Variants in RCAN2 observed in about 807,000 individuals in gnomAD.
RCAN2 encodes regulator of calcineurin 2.
RCAN2 carries 9 observed loss-of-function variants against 23.6 expected under a neutral mutation model. The observed-to-expected ratio is 0.38, with a 90% CI of 0.23 to 0.67. The LOEUF is 0.67. Among genes scored for constraint, RCAN2 ranks in the 30% least tolerant of loss-of-function variants. The pLI is 0.51. For synonymous variants in RCAN2, 109 were observed against 115.7 expected (o/e 0.94, Z 0.37); for missense variants, 273 against 302.3 (o/e 0.90, Z 0.72).
At chr6:46,260,176 C>T (rs896497343) in intron 2 of RCAN2, among the ~76,000 whole-genome samples, 4 of 152,172 alleles carry the variant, frequency 2.6e-5, no homozygotes, top group Admixed American at 2.6e-4. Context: ...CCACCCAGGG[C>T]CCCTAGTGTT....
intron 2 of RCAN2, among the ~76,000 whole-genome samples, chr6:46,289,242 T>G (rs926499419): frequency 5.3e-5 from 8 of 152,144 alleles, no homozygotes; most frequent in Middle Eastern, 3.4e-3. Flanking sequence ...CACTATTTTT[T>G]CCCCCCAGGC....
At chr6:46,339,354 C>A (rs1764234408) in intron 2 of RCAN2, among the ~76,000 whole-genome samples, 1 of 151,990 alleles carries the variant, frequency 6.6e-6, no homozygotes, top group African/African-American at 2.4e-5. Context: ...GAGAAGATTT[C>A]TCTAAGGAAG....
At chr6:46,281,940 G>T (rs1762194750) in intron 2 of RCAN2, among the ~76,000 whole-genome samples, 1 of 152,116 alleles carries the variant, frequency 6.6e-6, no homozygotes, top group African/African-American at 2.4e-5. Flanking sequence ...TAACCACTGT[G>T]CAAATCTGCC....
chr6:46,274,086 T>C (rs1186253988), intron 2 of RCAN2, among the ~76,000 whole-genome samples: 3 of 152,222 alleles, frequency 2.0e-5, no homozygotes, highest in Non-Finnish European at 4.4e-5. Context: ...TCTTTTACTT[T>C]CCAGCAGCAT....
At chr6:46,429,226 G>A (rs1375259922) in intron 2 of RCAN2, among the ~76,000 whole-genome samples, 1 of 152,174 alleles carries the variant, frequency 6.6e-6, no homozygotes, top group Admixed American at 6.5e-5. Flanking sequence ...AACACAGTAT[G>A]CTAGATATAA....
intron 4 of RCAN2, among the ~76,000 whole-genome samples, chr6:46,233,721 CT>C (rs1240948992): frequency 0.03 from 3,933 of 130,714 alleles, 147 homozygotes; most frequent in Middle Eastern, 0.039. Flanking sequence ...AAGAACACTT[CT>C]TTTTTTTTTT....
At chr6:46,234,516 T>A (rs1044770826) in intron 4 of RCAN2, among the ~76,000 whole-genome samples, 3 of 152,134 alleles carry the variant, frequency 2.0e-5, no homozygotes, top group Non-Finnish European at 4.4e-5. Flanking sequence ...CATGGTGCAG[T>A]GAGAACAGAC....
intron 2 of RCAN2, among the ~76,000 whole-genome samples, chr6:46,372,813 T>C (rs1338017433): frequency 6.6e-6 from 1 of 152,092 alleles, no homozygotes; most frequent in Non-Finnish European, 1.5e-5. Context: ...CATTTAACTA[T>C]CAGAAGTCTG....
chr6:46,420,793 C>T (rs1766864155), intron 2 of RCAN2, among the ~76,000 whole-genome samples: 1 of 152,036 alleles, frequency 6.6e-6, no homozygotes, highest in Non-Finnish European at 1.5e-5. Context: ...GTAATCTGCC[C>T]TCCTCGGCCC....
rs192428155 is a variant in RCAN2 at position 46,451,235 on chromosome 6, T to A, written c.225+5517A>T. On this transcript the variant is annotated intron_variant, in intron 2 of 4. Coordinates refer to ENST00000371374, the MANE Select transcript of RCAN2 (RefSeq NM_001251974.2). ...AGATCTACAACCTACTGTCTGAAAC[T>A]CTTGAGGAGTGATATGTTTGGCATT... is the stretch of plus-strand genomic sequence containing the variant. Among the ~76,000 whole-genome samples, 32 of 152,216 alleles carry A rather than the reference T, an allele frequency of 2.1e-4. No homozygotes were observed. In the East Asian group the frequency reaches 5.6e-3, roughly 27 times the overall value.
chr6:46,345,624 A>C (rs1764459580), intron 2 of RCAN2, among the ~76,000 whole-genome samples: 1 of 152,188 alleles, frequency 6.6e-6, no homozygotes, highest in Admixed American at 6.5e-5. Flanking sequence ...CCACAAGGTC[A>C]AAACTATTTT....
chr6:46,292,872 A>G (rs1762612738), intron 2 of RCAN2, among the ~76,000 whole-genome samples: 1 of 151,968 alleles, frequency 6.6e-6, no homozygotes, highest in Non-Finnish European at 1.5e-5. Flanking sequence ...TCCCTCCCCT[A>G]GCCCTCCACC....
Position 46,417,621 on chromosome 6 carries a change from C to T in RCAN2, c.225+39131G>A, listed in dbSNP as rs868865831. ...TGGCCATTTTCTGAAGTCTGTTCCC[C>T]AAACAATACAGGAGCTGGGGTAAAA... On this transcript the variant is annotated intron_variant, in intron 2 of 4. Coordinates refer to ENST00000371374, the MANE Select transcript of RCAN2 (RefSeq NM_001251974.2). Among the ~76,000 whole-genome samples the T allele has an allele frequency of 3.9e-5, 6 of 152,296 alleles. No individual in the cohort carries two copies. The South Asian group carries it at 1.2e-3, about 32-fold the overall frequency.
At chr6:46,394,147 C>T (rs760261328) in intron 2 of RCAN2, among the ~76,000 whole-genome samples, 2 of 152,196 alleles carry the variant, frequency 1.3e-5, no homozygotes, top group Non-Finnish European at 2.9e-5. Context: ...GTTCTAACTA[C>T]AGCTAATGCT....
intron 2 of RCAN2, among the ~76,000 whole-genome samples, chr6:46,304,096 A>G (rs1762992061): frequency 6.6e-6 from 1 of 152,112 alleles, no homozygotes; most frequent in Non-Finnish European, 1.5e-5. Flanking sequence ...CCACATTTTT[A>G]CTAACCCTTG....
rs116487650 is a variant in RCAN2 at position 46,446,191 on chromosome 6, C to T, written c.225+10561G>A. 1.7e-3 allele frequency among the ~76,000 whole-genome samples: 247 copies of T among 149,680 alleles called. 1 individual carries two copies. The highest frequency in any genetic ancestry group is 5.7e-3 in the African/African-American group (231 of 40,824). On this transcript the variant is annotated intron_variant, in intron 2 of 4. Transcript: ENST00000371374. ...AAAAAAAAAAAAGAAACATATCACACGTAATGAAGTTCCTATAAGGCTAGC... is the reference window on the plus strand; with the variant it reads ...AAAAAAAAAAAAGAAACATATCACATGTAATGAAGTTCCTATAAGGCTAGC...
chr6:46,309,405 G>C (rs1339555370), intron 2 of RCAN2, among the ~76,000 whole-genome samples: 1 of 152,118 alleles, frequency 6.6e-6, no homozygotes, highest in African/African-American at 2.4e-5. Context: ...AAGGAGACAT[G>C]GTTGTTTAAT....
At chr6:46,475,532 A>G (rs1206893667) in intron 1 of RCAN2, among the ~76,000 whole-genome samples, 1 of 152,200 alleles carries the variant, frequency 6.6e-6, no homozygotes, top group African/African-American at 2.4e-5. Context: ...CAAGGCTTCA[A>G]TTCTTTCCAA....
intron 2 of RCAN2, among the ~76,000 whole-genome samples, chr6:46,252,848 G>T (rs374473643): frequency 6.6e-6 from 1 of 152,160 alleles, no homozygotes; most frequent in Non-Finnish European, 1.5e-5. Context: ...CAAATATGCG[G>T]TTGGAAAAGG....
Sources: gnomAD v4.1 joint callset for allele counts (sites outside exome capture counted in the v4.1 genomes callset) on GRCh38, gnomAD v4.1.1 for gene constraint, MANE v1.5 for transcripts, NCBI Gene and HGNC (gene_info 2026-07-23, HGNC 2026-07-21) for gene names.